Variants in HHIP observed in about 807,000 individuals in gnomAD.
The protein encoded by HHIP is hedgehog interacting protein.
In HHIP, 12 loss-of-function variants were observed where a neutral mutation model predicts 74.0. The ratio of observed to expected loss-of-function variants is 0.16; its 90% confidence interval spans 0.10 to 0.26. The LOEUF is 0.26. Ranked by LOEUF, HHIP falls within the 10% of genes least tolerant of loss-of-function variation. The probability of loss-of-function intolerance (pLI) is 1.00; values close to 1 mark genes in which losing one functional copy is unlikely to be tolerated. For synonymous variants in HHIP, 309 were observed against 311.6 expected (o/e 0.99, Z 0.09); for missense variants, 788 against 845.0 (o/e 0.93, Z 0.84).
chr4:144,738,411 T>C lies in HHIP; in HGVS notation c.*454T>C, dbSNP rs527487234. Reference sequence around the variant, plus strand: ...ATATTTTTATATTAAAGTACTATACTAGGAGAGAATGTTTCAGAACTCCCT... The same window carrying C: ...ATATTTTTATATTAAAGTACTATACCAGGAGAGAATGTTTCAGAACTCCCT... On this transcript the variant is annotated 3_prime_UTR_variant, in exon 13 of 13. Coordinates refer to ENST00000296575, the MANE Select transcript of HHIP (RefSeq NM_022475.3). The C allele has an allele frequency of 1.0e-6, 1 of 959,884 alleles. No homozygotes were observed. Among genetic ancestry groups the C allele is most frequent in the African/African-American group, 1.8e-5 (1 of 56,832 alleles). 59.5% of individuals were successfully genotyped at this position (959,884 alleles called of 1,614,324 possible).
At chr4:144,691,340 T>C (rs942943922) in intron 4 of HHIP, among the ~76,000 whole-genome samples, 1 of 152,186 alleles carries the variant, frequency 6.6e-6, no homozygotes, top group Non-Finnish European at 1.5e-5. Context: ...AATTTCACAT[T>C]TGAGTCCCTG....
intron 2 of HHIP, among the ~76,000 whole-genome samples, chr4:144,653,980 G>C (rs1728493737): frequency 6.6e-6 from 1 of 152,116 alleles, no homozygotes; most frequent in Admixed American, 6.6e-5. Flanking sequence ...CGGTTGCCTA[G>C]ATGGCCTACA....
At position 144,732,741 on chromosome 4, in the gene HHIP, G is replaced by A. The variant is rs574492180; in HGVS notation, c.1761-2000G>A. On this transcript the variant is annotated intron_variant, in intron 11 of 12. Transcript: ENST00000296575. ...CTATTCAGGCATAAACCATCTCATG[G>A]GGTAGTATGTGAGAGTAGGTACCTG... Among the ~76,000 whole-genome samples the A allele has an allele frequency of 3.9e-5, 6 of 152,240 alleles. No individual in the cohort carries two copies. The South Asian group carries it at 6.2e-4, about 16-fold the overall frequency.
At chr4:144,698,384 C>T (rs1255006181) in intron 4 of HHIP, among the ~76,000 whole-genome samples, 1 of 152,158 alleles carries the variant, frequency 6.6e-6, no homozygotes, top group Non-Finnish European at 1.5e-5. Flanking sequence ...TCTATGTTTA[C>T]ATGCACAGAT....
Position 144,646,817 on chromosome 4 carries a change from C to G in HHIP, c.142C>G (p.Leu48Val). The G allele has an allele frequency of 1.2e-6, 2 of 1,614,208 alleles. No homozygotes were observed. The highest frequency in any genetic ancestry group is 1.7e-6 in the Non-Finnish European group (2 of 1,180,036). The change falls in exon 1 of 13, where the codon CTG (leucine) becomes GTG (valine). Residue 48 changes from leucine (L) to valine (V), a missense_variant. Transcript: ENST00000296575. ...CCTGAATGGGAACCCCCCGAAGCGC[C>G]TGAAAAGGAGAGACAGGAGGATGAT... ...RCLNGNPPKR[L>V]KRRDRRMMSQ...
rs147560437 is a variant in HHIP at position 144,672,415 on chromosome 4, C to T, written c.831+12577C>T. Among the ~76,000 whole-genome samples, 245 of 152,250 alleles carry T rather than the reference C, an allele frequency of 1.6e-3. 4 individuals are homozygous for T. The highest frequency in any genetic ancestry group is 5.5e-3 in the African/African-American group (230 of 41,554). On this transcript the variant is annotated intron_variant, in intron 4 of 12. Coordinates refer to ENST00000296575, the MANE Select transcript of HHIP (RefSeq NM_022475.3). ...AACAGGGAAGCAAATTTTCAAACCTCGGTCAAGGTGAAGATATACCATGAC... is the reference window on the plus strand; with the variant it reads ...AACAGGGAAGCAAATTTTCAAACCTTGGTCAAGGTGAAGATATACCATGAC...
At chr4:144,731,122 T>C (rs1730942815) in intron 11 of HHIP, among the ~76,000 whole-genome samples, 1 of 152,216 alleles carries the variant, frequency 6.6e-6, no homozygotes, top group Non-Finnish European at 1.5e-5. Context: ...TTTGTGTTTA[T>C]GATATGAAAG....
intron 10 of HHIP, among the ~76,000 whole-genome samples, chr4:144,718,111 TA>T (rs1215711458): frequency 6.6e-6 from 1 of 152,146 alleles, no homozygotes. Context: ...AATAAATTTT[TA>T]AAAAATACGG....
At chr4:144,664,252 ACTGAGC>A (rs1476342610) in intron 4 of HHIP, among the ~76,000 whole-genome samples, 2 of 152,224 alleles carry the variant, frequency 1.3e-5, no homozygotes, top group African/African-American at 4.8e-5. Flanking sequence ...TGTCCGGGTG[ACTGAGC>A]CAATTGAGGT....
intron 2 of HHIP, among the ~76,000 whole-genome samples, chr4:144,654,523 T>C (rs1728509753): frequency 6.6e-6 from 1 of 152,210 alleles, no homozygotes; most frequent in Non-Finnish European, 1.5e-5. Context: ...ATGCTAATGA[T>C]CATTCTCAAT....
At chr4:144,725,211 T>C (rs1341518233) in intron 11 of HHIP, among the ~76,000 whole-genome samples, 1 of 152,220 alleles carries the variant, frequency 6.6e-6, no homozygotes, top group Non-Finnish European at 1.5e-5. Context: ...AAAGATGTTT[T>C]CTAGAGGAAG....
chr4:144,712,953 GA>G (rs560590780), intron 8 of HHIP, among the ~76,000 whole-genome samples: 97 of 112,748 alleles, frequency 8.6e-4, no homozygotes, highest in East Asian at 7.6e-3. Context: ...ATGTGATTTG[GA>G]AAAAAAAAAA....
intron 4 of HHIP, among the ~76,000 whole-genome samples, chr4:144,687,713 T>A (rs115975620): frequency 0.011 from 1,679 of 150,180 alleles, 31 homozygotes; most frequent in African/African-American, 0.039. Flanking sequence ...GTCTAGTCAG[T>A]GCTTTAGATG....
chr4:144,648,319 T>C (rs1391240071), intron 1 of HHIP: 2 of 152,206 alleles, frequency 1.3e-5, no homozygotes, highest in Non-Finnish European at 2.9e-5. Flanking sequence ...CTAGAGAACA[T>C]CATTCTCTTT....
chr4:144,726,774 G>T (rs2126680915), intron 11 of HHIP, among the ~76,000 whole-genome samples: 1 of 152,286 alleles, frequency 6.6e-6, no homozygotes, highest in South Asian at 2.1e-4. Flanking sequence ...CTTCTCAACT[G>T]AGCCGTCAAT....
chr4:144,737,185 CAGAA>C, intron 12 of HHIP, among the ~76,000 whole-genome samples: 1 of 152,294 alleles, frequency 6.6e-6, no homozygotes, highest in Non-Finnish European at 1.5e-5. Flanking sequence ...GCACTGACTC[CAGAA>C]AGAGACTTCT....
chr4:144,734,674 C>A, intron 11 of HHIP, 67 bp from the exon 12 acceptor site: 1 of 1,271,722 alleles, frequency 7.9e-7, no homozygotes, highest in Non-Finnish European at 1.1e-6. Flanking sequence ...GCCACAGAAT[C>A]ACTAGATTTC....
chr4:144,737,715 C>G, intron 12 of HHIP, 49 bp from the exon 13 acceptor site: 2 of 1,490,750 alleles, frequency 1.3e-6, no homozygotes, highest in Admixed American at 2.0e-5. Context: ...AGTCCTGTTT[C>G]TGACATACAG....
intron 12 of HHIP, among the ~76,000 whole-genome samples, chr4:144,736,863 T>A (rs1423867465): frequency 6.6e-6 from 1 of 151,888 alleles, no homozygotes; most frequent in Non-Finnish European, 1.5e-5. Context: ...TATTTTCTTC[T>A]TACTTTTTCT....
Sources: allele counts gnomAD v4.1 joint callset (sites outside exome capture counted in the v4.1 genomes callset), GRCh38; gene constraint gnomAD v4.1.1; transcripts MANE v1.5; gene names NCBI Gene and HGNC (gene_info 2026-07-23, HGNC 2026-07-21).